The following SSH2 variants were observed in gnomAD, a reference collection of about 807,000 sequenced individuals.
SSH2 encodes slingshot protein phosphatase 2, also known as protein phosphatase Slingshot homolog 2.
Under a neutral mutation model 135.2 loss-of-function variants are expected in SSH2, and 37 were observed. The ratio of observed to expected loss-of-function variants is 0.27; its 90% CI spans 0.21 to 0.36. SSH2 has a LOEUF of 0.36. Among genes scored for constraint, SSH2 ranks in the 10% least tolerant of loss-of-function variants. The probability of loss-of-function intolerance (pLI) is 1.00; values close to 1 mark genes in which losing one functional copy is unlikely to be tolerated. For missense variants in SSH2, 1,408 were observed against 1,765.3 expected (o/e 0.80, Z 3.63); for synonymous variants, 628 against 646.2 (o/e 0.97, Z 0.43).
chr17:29,656,593 T>C (rs1367211144), intron 11 of SSH2, among the ~76,000 whole-genome samples: 1 of 152,202 alleles, frequency 6.6e-6, no homozygotes, highest in African/African-American at 2.4e-5. Flanking sequence ...GGAAACATTA[T>C]ATGTAAAATT....
intron 3 of SSH2, among the ~76,000 whole-genome samples, chr17:29,736,559 G>C (rs1004952274): frequency 2.1e-4 from 31 of 151,168 alleles, no homozygotes; most frequent in Admixed American, 1.5e-3. Context: ...AGGCCAAGGC[G>C]GGTGGATCAC....
At chr17:29,761,871 G>GTGTGTATA (rs1334168372) in intron 3 of SSH2, among the ~76,000 whole-genome samples, 1,264 of 98,710 alleles carry the variant, frequency 0.013, 22 homozygotes, top group African/African-American at 0.051. Context: ...GTGTGTGTGT[G>GTGTGTATA]TATATATATA....
At chr17:29,911,363 T>C (rs958581382) in intron 1 of SSH2, among the ~76,000 whole-genome samples, 1 of 152,206 alleles carries the variant, frequency 6.6e-6, no homozygotes, top group African/African-American at 2.4e-5. Flanking sequence ...TAAGAGATTT[T>C]TTAAGGATAA....
chr17:29,797,734 C>T (rs2042182111), intron 2 of SSH2, among the ~76,000 whole-genome samples: 1 of 151,780 alleles, frequency 6.6e-6, no homozygotes, highest in South Asian at 2.1e-4. Flanking sequence ...CAGTCTCTAC[C>T]AAAAAAATAA....
chr17:29,677,613 A>C (rs1415082176), intron 7 of SSH2, 60 bp downstream of exon 7: 1 of 1,369,286 alleles, frequency 7.3e-7, no homozygotes, highest in Non-Finnish European at 1.0e-6. Context: ...ATGAATGTGC[A>C]GTAAGATGGA....
chr17:29,645,681 G>T (rs1473303618), intron 14 of SSH2: 1 of 152,088 alleles, frequency 6.6e-6, no homozygotes, highest in Non-Finnish European at 1.5e-5. Flanking sequence ...GTGCCAAAAA[G>T]AACTGCTACA....
chr17:29,742,781 T>C (rs1438277852), intron 3 of SSH2, among the ~76,000 whole-genome samples: 3 of 151,366 alleles, frequency 2.0e-5, no homozygotes, highest in Admixed American at 1.3e-4. Context: ...ATTACAGACC[T>C]GCCCACCATG....
chr17:29,794,102 A>G (rs2042118827), intron 2 of SSH2, among the ~76,000 whole-genome samples, 165 bp from the exon 3 acceptor site: 1 of 152,220 alleles, frequency 6.6e-6, no homozygotes, highest in South Asian at 2.1e-4. Context: ...CAACCAACCC[A>G]GGAAGTTGAT....
At chr17:29,720,176 T>C (rs182464661) in intron 3 of SSH2, among the ~76,000 whole-genome samples, 132 of 152,358 alleles carry the variant, frequency 8.7e-4, no homozygotes, top group African/African-American at 3.0e-3. Context: ...CATTGTAGTG[T>C]TATCCACCAA....
intron 3 of SSH2, among the ~76,000 whole-genome samples, chr17:29,711,780 T>C (rs2039438219): frequency 6.6e-6 from 1 of 152,164 alleles, no homozygotes; most frequent in East Asian, 1.9e-4. Context: ...CCTGGGACCA[T>C]ACCCCATTAT....
chr17:29,909,145 C>T (rs1212476069), intron 1 of SSH2, among the ~76,000 whole-genome samples: 1 of 152,108 alleles, frequency 6.6e-6, no homozygotes, highest in East Asian at 1.9e-4. Flanking sequence ...ATACTCTATC[C>T]TACTGTAAAA....
chr17:29,670,460 T>C (rs897845000), intron 9 of SSH2, among the ~76,000 whole-genome samples: 3 of 152,236 alleles, frequency 2.0e-5, no homozygotes, highest in African/African-American at 7.2e-5. Context: ...TTTTTGACTG[T>C]TCCTTTCATA....
At chr17:29,666,690 C>T (rs1221433891) in intron 11 of SSH2, among the ~76,000 whole-genome samples, 177 bp downstream of exon 11, 1 of 152,150 alleles carries the variant, frequency 6.6e-6, no homozygotes, top group Non-Finnish European at 1.5e-5. Flanking sequence ...CACACACGCA[C>T]ACACACACTA....
chr17:29,653,533 T>C (rs1273857334), intron 12 of SSH2, among the ~76,000 whole-genome samples: 1 of 152,198 alleles, frequency 6.6e-6, no homozygotes, highest in Non-Finnish European at 1.5e-5. Flanking sequence ...AACACTGCTA[T>C]ACCGCATCTC....
At chr17:29,906,101 C>A (rs1027902576) in intron 1 of SSH2, among the ~76,000 whole-genome samples, 1 of 152,196 alleles carries the variant, frequency 6.6e-6, no homozygotes, top group Non-Finnish European at 1.5e-5. Context: ...TCGTCTTCTT[C>A]ACCCTTCATT....
intron 1 of SSH2, among the ~76,000 whole-genome samples, chr17:29,866,521 A>G (rs1419217444): frequency 6.6e-6 from 1 of 152,242 alleles, no homozygotes; most frequent in African/African-American, 2.4e-5. Flanking sequence ...TTATACAGAC[A>G]GGGAAAAGCC....
rs1328302739 is a variant in SSH2 at position 29,698,374 on chromosome 17, T to TACCGGA, written c.293-2852_293-2851insTCCGGT. Among the ~76,000 whole-genome samples the TACCGGA allele has an allele frequency of 2.6e-5, 4 of 152,284 alleles. No homozygotes were observed. The South Asian group carries it at 6.2e-4, about 24-fold the overall frequency. On this transcript the variant is annotated intron_variant, in intron 4 of 15. Transcript: ENST00000540801. ...TATGTGGATTATATCTCAATAAAGCTGTTAAACAAAAAATAAAAGAACAAG... is the reference window on the plus strand; with the variant it reads ...TATGTGGATTATATCTCAATAAAGCTACCGGAGTTAAACAAAAAATAAAAGAACAAG...
intron 2 of SSH2, among the ~76,000 whole-genome samples, chr17:29,811,571 G>GTT (rs11411731): frequency 6.2e-4 from 92 of 149,276 alleles, no homozygotes; most frequent in South Asian, 1.9e-3. Context: ...TGAACCACAA[G>GTT]TTTTTTTTTT....
chr17:29,755,460 A>G (rs1369443215), intron 3 of SSH2, among the ~76,000 whole-genome samples: 1 of 152,128 alleles, frequency 6.6e-6, no homozygotes, highest in African/African-American at 2.4e-5. Flanking sequence ...TAATGATAAC[A>G]TAATTACCAA....
Sources: allele counts gnomAD v4.1 joint callset (sites outside exome capture counted in the v4.1 genomes callset), GRCh38; gene constraint gnomAD v4.1.1; transcripts MANE v1.5; gene names NCBI Gene and HGNC (gene_info 2026-07-23, HGNC 2026-07-21).